ABHD12: variants seen among roughly 807,000 people sequenced by gnomAD.
ABHD12 encodes lysophosphatidylserine lipase ABHD12.
ABHD12 carries 43 observed loss-of-function variants against 58.3 expected under a neutral mutation model. The observed-to-expected ratio is 0.74, with a 90% confidence interval of 0.58 to 0.95. The LOEUF (loss-of-function observed/expected upper bound fraction) is 0.95. Among genes scored for constraint, ABHD12 ranks in the 40% least tolerant of loss-of-function variants. The probability of loss-of-function intolerance (pLI) is 0.00; values close to 1 mark genes in which losing one functional copy is unlikely to be tolerated. For synonymous variants in ABHD12, 219 were observed against 211.2 expected (o/e 1.04, Z -0.32); for missense variants, 539 against 537.2 (o/e 1.00, Z -0.03).
At chr20:25,367,948 A>G (rs1405018434) in intron 1 of ABHD12, among the ~76,000 whole-genome samples, 2 of 152,208 alleles carry the variant, frequency 1.3e-5, no homozygotes, top group Non-Finnish European at 2.9e-5. Flanking sequence ...CAGTAATTCT[A>G]TGTTCAATTT....
At chr20:25,375,547 C>T (rs2089952077) in intron 1 of ABHD12, among the ~76,000 whole-genome samples, 1 of 152,176 alleles carries the variant, frequency 6.6e-6, no homozygotes, top group Non-Finnish European at 1.5e-5. Context: ...ATTGGTCTCT[C>T]CAGATTCTCA....
chr20:25,296,612 G>A, downstream of ABHD12: 1 of 1,474,046 alleles, frequency 6.8e-7, no homozygotes, highest in African/African-American at 1.4e-5. Flanking sequence ...CCAGCCACTG[G>A]TGGTCCCTGC....
At chr20:25,298,144 G>T (rs1315777779), downstream of ABHD12, 1 of 152,254 alleles carries the variant, frequency 6.6e-6, no homozygotes, top group East Asian at 1.9e-4. Context: ...TGGGCCACAG[G>T]TCCCCCGTCT....
intron 1 of ABHD12, among the ~76,000 whole-genome samples, chr20:25,387,785 G>C (rs1342587737): frequency 6.6e-6 from 1 of 151,372 alleles, no homozygotes; most frequent in Non-Finnish European, 1.5e-5. Flanking sequence ...GCTCACGCCT[G>C]TAATCCCAGC....
chr20:25,364,422 C>T (rs2089792244), intron 1 of ABHD12, among the ~76,000 whole-genome samples: 1 of 152,150 alleles, frequency 6.6e-6, no homozygotes, highest in Admixed American at 6.5e-5. Context: ...GGGTGGAAAG[C>T]AAGGGGATGT....
rs749692955 is a variant in ABHD12, at chr20:25,390,752, G to T, written c.-49C>A. The T allele has an allele frequency of 3.3e-6, 4 of 1,218,316 alleles. No individual in the cohort carries two copies. The highest frequency in any genetic ancestry group is 4.1e-6 in the Non-Finnish European group (4 of 973,344). The allele number at this position is 1,218,316 out of a possible 1,614,324, so 75.5% of individuals were successfully genotyped here. On this transcript the variant is annotated 5_prime_UTR_variant, in exon 1 of 13. Transcript: ENST00000339157. ...CCGACGGCGCCCGCTGGCCTGCGCC[G>T]CAGTGCCGCCGCTCACAGCCGCCGC...
intron 1 of ABHD12, among the ~76,000 whole-genome samples, chr20:25,382,192 G>C (rs1293566194): frequency 1.3e-5 from 2 of 152,166 alleles, no homozygotes; most frequent in East Asian, 3.9e-4. Context: ...CTCTATGAAG[G>C]CTATCCTCTG....
At chr20:25,352,193 C>A (rs183235572) in intron 1 of ABHD12, among the ~76,000 whole-genome samples, 194 of 151,680 alleles carry the variant, frequency 1.3e-3, no homozygotes, top group Admixed American at 3.5e-3. Context: ...GGTTTCACCA[C>A]ATTGGCCAGG....
chr20:25,316,599 T>C (rs1233084315), intron 5 of ABHD12, among the ~76,000 whole-genome samples: 1 of 152,206 alleles, frequency 6.6e-6, no homozygotes, highest in African/African-American at 2.4e-5. Context: ...AGCAGTGTGA[T>C]GGGCAGTCAC....
intron 4 of ABHD12, among the ~76,000 whole-genome samples, chr20:25,319,873 C>G (rs1458078672): frequency 6.6e-6 from 1 of 152,226 alleles, no homozygotes; most frequent in Non-Finnish European, 1.5e-5. Context: ...TCCTTCATCC[C>G]AATCCAGGCT....
Position 25,322,381 on chromosome 20 carries a change from A to ATATATTTTTTT in ABHD12, c.422+943_422+944insAAAAAAATATA. On this transcript the variant is annotated intron_variant, in intron 3 of 12. Transcript: ENST00000339157. ...GGAAAAGATATATATATATATATAT[A>ATATATTTTTTT]TTTTTTTTTTTTTTTGAGACAAGAG... is the stretch of plus-strand genomic sequence containing the variant. 4.4e-4 allele frequency among the ~76,000 whole-genome samples: 26 copies of ATATATTTTTTT among 59,262 alleles called. 4 individuals carry two copies. Among genetic ancestry groups the ATATATTTTTTT allele is most frequent in the South Asian group, 3.5e-3 (6 of 1,722 alleles). The allele number at this position is 59,262 out of a possible 152,430, so 38.9% of individuals were successfully genotyped here. A position where few individuals can be genotyped will look rare whatever the true frequency, so the allele number is the denominator to read the frequency against.
downstream of ABHD12, chr20:25,296,260 C>G: frequency 1.5e-6 from 2 of 1,378,018 alleles, no homozygotes; most frequent in Middle Eastern, 1.8e-4. Context: ...AGCGGATGGC[C>G]CCAAGGCTCG....
chr20:25,299,317 C>T (rs775749596), downstream of ABHD12, among the ~76,000 whole-genome samples: 1 of 152,106 alleles, frequency 6.6e-6, no homozygotes, highest in Non-Finnish European at 1.5e-5. Context: ...GGGAGAACTG[C>T]TTGAGCCCAG....
At chr20:25,336,861 G>A (rs1430469475) in intron 2 of ABHD12, among the ~76,000 whole-genome samples, 1 of 152,140 alleles carries the variant, frequency 6.6e-6, no homozygotes, top group Non-Finnish European at 1.5e-5. Flanking sequence ...TGGGGTGTGG[G>A]GGCCAGGCAG....
chr20:25,327,216 C>A (rs980598070), intron 2 of ABHD12, among the ~76,000 whole-genome samples: 2 of 152,166 alleles, frequency 1.3e-5, no homozygotes, highest in Non-Finnish European at 1.5e-5. Flanking sequence ...TGCCTATAAT[C>A]CCAGCACTTT....
chr20:25,296,488 T>C, downstream of ABHD12: 4 of 1,613,656 alleles, frequency 2.5e-6, no homozygotes, highest in Non-Finnish European at 3.4e-6. Context: ...CCCTCCGACC[T>C]GCAGATCCCG....
chr20:25,390,641 G>A lies in ABHD12; in HGVS notation c.63C>T (p.Ser21=), dbSNP rs1171407764. The change falls in exon 1 of 13, where the codon TCC becomes TCT. Residue 21 remains serine (S), a synonymous_variant. Transcript: ENST00000339157. The stretch of plus-strand genomic sequence containing the variant: ...GCGCCGCGGCGGCCGAGCCGGAGGA[G>A]GACGAGCCCGCGGCGGCGCAGCGCT... The part of the protein sequence containing the change: ...EHERCAAAGS[S]SSGSAAAALD... The A allele has an allele frequency of 1.7e-5, 24 of 1,448,956 alleles. No homozygotes were observed. In the East Asian group the frequency reaches 5.9e-4, roughly 36 times the overall value. The allele number at this position is 1,448,956 out of a possible 1,614,324, so 89.8% of individuals were successfully genotyped here.
At chr20:25,301,512 C>T (rs527766237) in intron 12 of ABHD12, among the ~76,000 whole-genome samples, 3 of 152,374 alleles carry the variant, frequency 2.0e-5, no homozygotes, top group Admixed American at 6.5e-5. Flanking sequence ...ATGCCCTCCT[C>T]GGCTCAGAAG....
At chr20:25,347,938 G>A (rs1408674469) in intron 1 of ABHD12, among the ~76,000 whole-genome samples, 4 of 151,102 alleles carry the variant, frequency 2.6e-5, no homozygotes, top group Non-Finnish European at 5.9e-5. Context: ...AAGCCTGGGC[G>A]CAGGGTCTCA....
Sources: gnomAD v4.1 joint callset for allele counts (sites outside exome capture counted in the v4.1 genomes callset) on GRCh38, gnomAD v4.1.1 for gene constraint, MANE v1.5 for transcripts, NCBI Gene and HGNC (gene_info 2026-07-23, HGNC 2026-07-21) for gene names.